The following ZMYM2 variants were observed in gnomAD, a reference collection of about 807,000 sequenced individuals.
ZMYM2 encodes zinc finger MYM-type protein 2.
ZMYM2 carries 56 observed loss-of-function variants against 162.8 expected under a neutral mutation model. That is an observed-to-expected ratio of 0.34 (90% CI 0.28 to 0.43). The LOEUF is 0.43. ZMYM2 is among the 20% of genes least tolerant of loss of function. The probability of loss-of-function intolerance (pLI) is 1.00; values close to 1 mark genes in which losing one functional copy is unlikely to be tolerated. For synonymous variants in ZMYM2, 510 were observed against 541.6 expected (o/e 0.94, Z 0.81); for missense variants, 1,275 against 1,621.8 (o/e 0.79, Z 3.67).
chr13:19,911,089 C>T, the ZMYM2 span, among the ~76,000 whole-genome samples: 15,847 of 141,974 alleles, frequency 0.11, 1,026 homozygotes, highest in Middle Eastern at 0.15. Context: ...ACTCTGTTGT[C>T]CAGCTAATTT....
At chr13:19,867,132 C>T in the ZMYM2 span, among the ~76,000 whole-genome samples, 1 of 152,028 alleles carries the variant, frequency 6.6e-6, no homozygotes, top group African/African-American at 2.4e-5. Flanking sequence ...GCGGGTGGAT[C>T]ACCTGAGGTC....
At chr13:19,916,475 A>G in the ZMYM2 span, among the ~76,000 whole-genome samples, 2 of 152,192 alleles carry the variant, frequency 1.3e-5, no homozygotes, top group East Asian at 1.9e-4. Flanking sequence ...ATGCCCATCA[A>G]TGGTAGACTG....
chr13:19,907,635 G>T, the ZMYM2 span, among the ~76,000 whole-genome samples: 1 of 151,770 alleles, frequency 6.6e-6, no homozygotes. Context: ...GGTGGCAGGT[G>T]CCTGTAATCC....
At chr13:19,883,904 C>G in the ZMYM2 span, among the ~76,000 whole-genome samples, 4 of 152,198 alleles carry the variant, frequency 2.6e-5, no homozygotes, top group African/African-American at 9.6e-5. Flanking sequence ...TTACAAGGGC[C>G]CACCCCCACA....
At chr13:19,986,298 A>T (rs1472801649) in intron 2 of ZMYM2, among the ~76,000 whole-genome samples, 2 of 152,128 alleles carry the variant, frequency 1.3e-5, no homozygotes, top group African/African-American at 2.4e-5. Context: ...CACAGGCAGG[A>T]GGAGCACTTG....
the ZMYM2 span, among the ~76,000 whole-genome samples, chr13:19,931,278 A>G: frequency 3.3e-5 from 5 of 150,838 alleles, no homozygotes; most frequent in Non-Finnish European, 5.9e-5. Context: ...TTTATTCAGT[A>G]TTTTTCCCCC....
chr13:19,921,011 C>T, the ZMYM2 span, among the ~76,000 whole-genome samples: 5 of 151,952 alleles, frequency 3.3e-5, no homozygotes, highest in Admixed American at 1.3e-4. Flanking sequence ...CCTCATGTTC[C>T]GCCCACTTTG....
intron 9 of ZMYM2, among the ~76,000 whole-genome samples, chr13:20,028,991 A>G (rs1458271810): frequency 1.3e-5 from 2 of 151,672 alleles, no homozygotes; most frequent in Non-Finnish European, 3.0e-5. Flanking sequence ...CCTTTATCAT[A>G]AAGCAAACCA....
At chr13:19,869,189 C>T in the ZMYM2 span, among the ~76,000 whole-genome samples, 1 of 152,170 alleles carries the variant, frequency 6.6e-6, no homozygotes, top group Non-Finnish European at 1.5e-5. Flanking sequence ...GAAATTCCAA[C>T]TTACTATGCA....
chr13:19,990,470 T>A (rs1449554021), intron 2 of ZMYM2, among the ~76,000 whole-genome samples: 1 of 152,242 alleles, frequency 6.6e-6, no homozygotes, highest in Non-Finnish European at 1.5e-5. Context: ...CACAGCTGAA[T>A]CTTATCATTT....
rs370286795 is a variant in ZMYM2 at position 20,085,873 on chromosome 13, C to T, written c.3993C>T (p.Cys1331=). ...ATGTTTTTTATTTGCAACCAGAATG[C>T]TCTAGTTCTACAGATAGCCCTGTCT... The part of the protein sequence containing the change: ...RMDVFYLQPE[C]SSSTDSPVWY... Residue 1331 remains cysteine, a synonymous_variant, in exon 25 of 25, where the codon TGC becomes TGT. Coordinates refer to ENST00000610343, the MANE Select transcript of ZMYM2 (RefSeq NM_197968.4). 1.2e-6 allele frequency: 2 copies of T among 1,613,030 alleles called. No homozygotes were observed. Among genetic ancestry groups the T allele is most frequent in the African/African-American group, 2.7e-5 (2 of 74,900 alleles).
At chr13:20,046,040 A>C (rs1231914326) in intron 12 of ZMYM2, among the ~76,000 whole-genome samples, 1 of 151,542 alleles carries the variant, frequency 6.6e-6, no homozygotes, top group East Asian at 1.9e-4. Flanking sequence ...CAAGAAGTTC[A>C]AGACCAGCCT....
In ZMYM2 at chr13:19,997,068, A is replaced by G. The variant is rs376562440; in HGVS notation, c.847+3149A>G. On this transcript the variant is annotated intron_variant, in intron 3 of 24. Transcript: ENST00000610343. Reference sequence around the variant, plus strand: ...ATAGTCCTCCTGAGTAAAGATGACCACTATCAATGCTTTGGGTGGTTGTCT... The same window carrying G: ...ATAGTCCTCCTGAGTAAAGATGACCGCTATCAATGCTTTGGGTGGTTGTCT... Among the ~76,000 whole-genome samples, 306 of 152,258 alleles carry G rather than the reference A, an allele frequency of 2.0e-3. 8 individuals are homozygous for G. The South Asian group carries it at 0.048, about 24-fold the overall frequency.
At chr13:20,082,163 T>C in intron 22 of ZMYM2, 33 bp downstream of exon 22, 1 of 1,421,152 alleles carries the variant, frequency 7.0e-7, no homozygotes, top group Non-Finnish European at 9.7e-7. Context: ...TGTTGCTCTC[T>C]TGATATTAGG....
At chr13:19,987,060 G>C (rs997845296) in intron 2 of ZMYM2, among the ~76,000 whole-genome samples, 1 of 138,650 alleles carries the variant, frequency 7.2e-6, no homozygotes, top group East Asian at 2.3e-4. Context: ...AGCTGTGATC[G>C]TGCCACTGCA....
intron 7 of ZMYM2, among the ~76,000 whole-genome samples, chr13:20,020,564 T>A (rs984672211): frequency 2.0e-5 from 3 of 152,104 alleles, no homozygotes; most frequent in Admixed American, 2.0e-4. Context: ...TTTTCCCAAC[T>A]CTCTTCTTCT....
chr13:19,882,816 T>C, the ZMYM2 span, among the ~76,000 whole-genome samples: 2 of 152,064 alleles, frequency 1.3e-5, no homozygotes, highest in Non-Finnish European at 2.9e-5. Flanking sequence ...AGTGGGAATA[T>C]AAAATGGAGC....
chr13:20,069,750 AT>A (rs1956940350), intron 21 of ZMYM2, among the ~76,000 whole-genome samples: 2 of 152,074 alleles, frequency 1.3e-5, no homozygotes, highest in South Asian at 4.1e-4. Context: ...GCAGATGTTC[AT>A]AAGGATAAGT....
At chr13:19,930,436 C>T in the ZMYM2 span, among the ~76,000 whole-genome samples, 5 of 151,732 alleles carry the variant, frequency 3.3e-5, no homozygotes, top group Admixed American at 2.0e-4. Flanking sequence ...TAATTTTAAA[C>T]CTATTATTTT....
Sources: gnomAD v4.1 joint callset for allele counts (sites outside exome capture counted in the v4.1 genomes callset) on GRCh38, gnomAD v4.1.1 for gene constraint, MANE v1.5 for transcripts, NCBI Gene and HGNC (gene_info 2026-07-23, HGNC 2026-07-21) for gene names.